The following NISCH variants were observed in gnomAD, a reference collection of about 807,000 sequenced individuals.
NISCH encodes I-1 receptor candidate protein.
NISCH carries 55 observed loss-of-function variants against 138.4 expected under a neutral mutation model. The observed-to-expected ratio is 0.40, with a 90% CI of 0.32 to 0.50. The LOEUF is 0.50. NISCH is among the 20% of genes least tolerant of loss of function. The probability of loss-of-function intolerance (pLI) is 0.71; values close to 1 mark genes in which losing one functional copy is unlikely to be tolerated. For synonymous variants in NISCH, 860 were observed against 861.5 expected (o/e 1.00, Z 0.03); for missense variants, 1,643 against 2,005.5 (o/e 0.82, Z 3.45).
At chr3:52,456,885 G>C (rs953328718) in intron 1 of NISCH, among the ~76,000 whole-genome samples, 4 of 152,172 alleles carry the variant, frequency 2.6e-5, no homozygotes, top group African/African-American at 9.7e-5. Flanking sequence ...CTGGCCATCA[G>C]CTATGGGCAC....
chr3:52,484,462 T>TTGCC lies in NISCH; in HGVS notation c.1529-51_1529-50insTGCC. ...AGCCCCACTTGTTGAACAGCCGCTC[T>TTGCC]CCCCGCCCCACCCACCCTGCCTGCC... On this transcript the variant is annotated intron_variant, in intron 13 of 20. Coordinates refer to ENST00000345716, the MANE Select transcript of NISCH (RefSeq NM_007184.4). 69 of 788,664 alleles carry TTGCC rather than the reference T, an allele frequency of 8.7e-5. 1 individual carries two copies. Among genetic ancestry groups the TTGCC allele is most frequent in the Admixed American group, 1.0e-4 (3 of 29,352 alleles). The allele number at this position is 788,664 out of a possible 1,614,324, so 48.9% of individuals were successfully genotyped here.
At chr3:52,474,304 TG>T (rs1411396497) in intron 7 of NISCH, among the ~76,000 whole-genome samples, 27 of 150,918 alleles carry the variant, frequency 1.8e-4, no homozygotes, top group African/African-American at 6.6e-4. Context: ...TTGTTGTTGT[TG>T]TTGTTTTTTG....
intron 7 of NISCH, among the ~76,000 whole-genome samples, chr3:52,475,192 T>TAA (rs762289102): frequency 1.0e-4 from 14 of 135,810 alleles, no homozygotes; most frequent in South Asian, 2.4e-4. Flanking sequence ...CCTTGTCTCT[T>TAA]AAAAAAAAAA....
rs1313486651 is a variant in NISCH, at chr3:52,458,679, G to A, written c.195G>A (p.Lys65=). 1.8e-5 allele frequency: 29 copies of A among 1,612,882 alleles called. No individual in the cohort carries two copies. The highest frequency in any genetic ancestry group is 2.5e-5 in the Non-Finnish European group (29 of 1,179,766). ...DLHEKLVAER[K]IDKNLLPPKK... The stretch of plus-strand genomic sequence containing the variant: ...TTTTACAGCTCGTTGCAGAGAGAAA[G>A]ATTGATAAAAATCTGCTTCCGCCCA... The change falls in exon 3 of 21, where the codon AAG becomes AAA. Residue 65 remains lysine (K), a synonymous_variant. Transcript: ENST00000345716.
At chr3:52,466,728 G>A (rs571085241) in intron 3 of NISCH, among the ~76,000 whole-genome samples, 1 of 152,100 alleles carries the variant, frequency 6.6e-6, no homozygotes, top group Non-Finnish European at 1.5e-5. Flanking sequence ...TCTAGGCCTG[G>A]CCTGGGGTTT....
intron 13 of NISCH, chr3:52,481,295 G>A: frequency 6.8e-6 from 7 of 1,031,036 alleles, no homozygotes; most frequent in Non-Finnish European, 7.0e-6. Flanking sequence ...AGGAAGAGGG[G>A]AGAAGCATTC....
chr3:52,473,609 C>T lies in NISCH; in HGVS notation c.670-125C>T, dbSNP rs567178960. On this transcript the variant is annotated intron_variant, in intron 6 of 20. Coordinates refer to ENST00000345716, the MANE Select transcript of NISCH (RefSeq NM_007184.4). ...GAGACACTTTGGTCTTGAGTGGCCT[C>T]CCATCTCTGAGGATTTGGGTTGCCT... 89 of 592,328 alleles carry T rather than the reference C, an allele frequency of 1.5e-4. 1 individual carries two copies. The highest frequency in any genetic ancestry group is 5.8e-4 in the Middle Eastern group (2 of 3,468). 36.7% of individuals were successfully genotyped at this position (592,328 alleles called of 1,614,324 possible). A position where few individuals can be genotyped will look rare whatever the true frequency, so the allele number is the denominator to read the frequency against.
chr3:52,487,211 G>A lies in NISCH; in HGVS notation c.1719G>A (p.Glu573=). 1 of 1,613,850 alleles carries A rather than the reference G, an allele frequency of 6.2e-7. No homozygotes were observed. The highest frequency in any genetic ancestry group is 8.5e-7 in the Non-Finnish European group (1 of 1,179,948). Residue 573 remains glutamate, a synonymous_variant, in exon 16 of 21, where the codon GAG becomes GAA. Transcript: ENST00000345716. The surrounding 1 kb of genome is among the most constrained non-coding windows in gnomAD (Gnocchi z 9.1). Reference sequence around the variant, plus strand: ...CCCTGCACAGCCCAGAACATGCCGAGCCGGAGGTCCAGGTGGTGCCGGGGT... The same window carrying A: ...CCCTGCACAGCCCAGAACATGCCGAACCGGAGGTCCAGGTGGTGCCGGGGT... ...AVGGASPEHA[E]PEVQVVPGSG...
intron 3 of NISCH, among the ~76,000 whole-genome samples, chr3:52,466,722 G>A (rs1443735425): frequency 1.3e-5 from 2 of 152,118 alleles, no homozygotes; most frequent in Non-Finnish European, 2.9e-5. Context: ...GAAGCATCTA[G>A]GCCTGGCCTG....
At chr3:52,484,698 G>T (rs1707363897) in intron 14 of NISCH, 61 bp downstream of exon 14, 4 of 1,598,804 alleles carry the variant, frequency 2.5e-6, no homozygotes, top group Admixed American at 1.7e-5. Flanking sequence ...TCTGCTTGGG[G>T]TTGTGTGCAG....
chr3:52,478,646 A>T, intron 11 of NISCH, 69 bp downstream of exon 11: 2 of 1,408,538 alleles, frequency 1.4e-6, no homozygotes, highest in Non-Finnish European at 2.0e-6. Context: ...CATGGGCGGT[A>T]GGGGGATATA....
At position 52,484,494 on chromosome 3, in the gene NISCH, C is replaced by A; in HGVS notation, c.1529-19C>A. The A allele has an allele frequency of 6.3e-7, 1 of 1,586,450 alleles. No homozygotes were observed. The highest frequency in any genetic ancestry group is 8.6e-7 in the Non-Finnish European group (1 of 1,164,010). On this transcript the variant is annotated intron_variant, in intron 13 of 20. Transcript: ENST00000345716. ...CCCACCCACCCTGCCTGCCTGCCCA[C>A]CCGCCCTGGTCTCTCCAGGAATCAT...
intron 15 of NISCH, chr3:52,486,568 C>G (rs1019616530): frequency 2.6e-5 from 4 of 152,388 alleles, no homozygotes; most frequent in Non-Finnish European, 5.9e-5. Flanking sequence ...CGCCACCACA[C>G]CTGGCTAATT....
At chr3:52,477,943 A>T (rs1477199970) in intron 9 of NISCH, 154 bp from the exon 10 acceptor site, 5 of 816,344 alleles carry the variant, frequency 6.1e-6, no homozygotes, top group Non-Finnish European at 9.8e-6. Flanking sequence ...CATGTGCGGC[A>T]GAGAAGAGGG....
intron 20 of NISCH, 61 bp from the exon 21 acceptor site, chr3:52,491,811 G>A (rs1437797132): frequency 1.3e-6 from 2 of 1,520,560 alleles, no homozygotes; most frequent in East Asian, 4.5e-5. Context: ...GGGGCCCTTG[G>A]TGCTCCCAGC....
Position 52,476,479 on chromosome 3 carries a change from T to A in NISCH, c.798T>A (p.Asp266Glu). 6.2e-7 allele frequency: 1 copy of A among 1,614,150 alleles called. No homozygotes were observed. The highest frequency in any genetic ancestry group is 8.5e-7 in the Non-Finnish European group (1 of 1,180,022). The change falls in exon 8 of 21, where the codon GAT becomes GAA. Residue 266 changes from aspartate (D) to glutamate (E), a missense_variant. Coordinates refer to ENST00000345716, the MANE Select transcript of NISCH (RefSeq NM_007184.4). ...TTGTTCCTGAAGCCTCAGAATTTGA[T>A]GAGTGGGAGCCTGAAGGCACAACCC... ...EVLVPEASEF[D>E]EWEPEGTTLE... is the part of the protein sequence containing the mutation.
rs376872356 is a variant in NISCH, at chr3:52,457,874, A to G, written c.125A>G (p.His42Arg). ...ATCATCCAGGTCACTGATGGCAGCC[A>G]TGAGTGGACAGTAAAGCACCGCTAC... is the stretch of plus-strand genomic sequence containing the variant. ...VYIIQVTDGS[H>R]EWTVKHRYSD... The change falls in exon 2 of 21, where the codon CAT becomes CGT. Residue 42 changes from histidine (H) to arginine (R), a missense_variant. Physicochemically the swap from His to Arg is conservative, Grantham distance 29 (BLOSUM62 0). Coordinates refer to ENST00000345716, the MANE Select transcript of NISCH (RefSeq NM_007184.4). 6.2e-6 allele frequency: 10 copies of G among 1,612,422 alleles called. No homozygotes were observed. Among genetic ancestry groups the G allele is most frequent in the Non-Finnish European group, 8.5e-6 (10 of 1,178,572 alleles).
chr3:52,472,475 A>G (rs6445486), intron 6 of NISCH, 77 bp downstream of exon 6: 1,226,506 of 1,285,430 alleles, frequency 0.95, 585,395 homozygotes, highest in African/African-American at 0.99. Flanking sequence ...TGGGTGTCCT[A>G]ATTTAATCAT....
rs201343452 is a variant in NISCH, at chr3:52,487,542, G to A, written c.2050G>A (p.Glu684Lys). 3.0e-5 allele frequency: 49 copies of A among 1,609,766 alleles called. No individual in the cohort carries two copies. The highest frequency in any genetic ancestry group is 1.8e-4 in the Admixed American group (11 of 59,916). Residue 684 changes from glutamate to lysine, a missense_variant, in exon 16 of 21, where the codon GAG (glutamate) becomes AAG (lysine). Glu to Lys is a moderately conservative substitution (Grantham distance 56). Transcript: ENST00000345716. This position sits in a 1 kb window ranked among gnomAD's most constrained non-coding sequence, Gnocchi z 9.1. ...EEEEEEDEEA[E>K]EERLALEWAL... ...GGAGGAAGAGGAGGATGAAGAGGCCGAGGAGGAGCGCCTGGCTCTGGAATG... is the reference window on the plus strand; with the variant it reads ...GGAGGAAGAGGAGGATGAAGAGGCCAAGGAGGAGCGCCTGGCTCTGGAATG...
Sources: gnomAD v4.1 joint callset for allele counts (sites outside exome capture counted in the v4.1 genomes callset) on GRCh38, gnomAD v4.1.1 for gene constraint, Gnocchi (gnomAD v3.1) non-coding constraint, MANE v1.5 for transcripts, NCBI Gene and HGNC (gene_info 2026-07-23, HGNC 2026-07-21) for gene names.